Variants in TRPM3 observed in about 807,000 individuals in gnomAD.
TRPM3 encodes the protein long transient receptor potential channel 3.
A neutral mutation model predicts 181.2 loss-of-function variants in TRPM3; 77 were observed. The observed-to-expected ratio is 0.42, with a 90% CI of 0.35 to 0.51. The LOEUF is 0.51. TRPM3 is among the 20% of genes least tolerant of loss of function. The probability of loss-of-function intolerance (pLI) is 0.01; values close to 1 mark genes in which losing one functional copy is unlikely to be tolerated. For synonymous variants in TRPM3, 745 were observed against 796.4 expected (o/e 0.94, Z 1.09); for missense variants, 1,759 against 2,196.7 (o/e 0.80, Z 3.98).
At chr9:70,700,190 C>T (rs1254029214) in intron 8 of TRPM3, among the ~76,000 whole-genome samples, 1 of 152,172 alleles carries the variant, frequency 6.6e-6, no homozygotes, top group Non-Finnish European at 1.5e-5. Flanking sequence ...ACTATGTTGG[C>T]CAGGCTGGTC....
rs182419805 is a variant in TRPM3 at position 70,644,005 on chromosome 9, C to T, written c.1346-3345G>A. ...CAGAATACTTTGTCTTGAGAGCTTA[C>T]AGTCTAGAGGAGAAGAGAAGTCTGT... is the stretch of plus-strand genomic sequence containing the variant. On this transcript the variant is annotated intron_variant, in intron 9 of 25. Transcript: ENST00000677713. Among the ~76,000 whole-genome samples, 78 of 152,304 alleles carry T rather than the reference C, an allele frequency of 5.1e-4. 1 individual carries two copies. In the East Asian group the frequency reaches 0.013, roughly 25 times the overall value.
chr9:71,349,774 T>G (rs1308004285), intron 1 of TRPM3, among the ~76,000 whole-genome samples: 1 of 152,036 alleles, frequency 6.6e-6, no homozygotes, highest in Non-Finnish European at 1.5e-5. Context: ...ACGTGAATTC[T>G]TACACTCTGC....
intron 9 of TRPM3, among the ~76,000 whole-genome samples, chr9:70,668,625 A>G (rs1427256575): frequency 7.3e-6 from 1 of 137,900 alleles, no homozygotes; most frequent in East Asian, 2.3e-4. Context: ...AGATCGCGCC[A>G]CTGCACTCCA....
intron 1 of TRPM3, among the ~76,000 whole-genome samples, chr9:71,021,229 A>C (rs1462059319): frequency 6.6e-6 from 1 of 152,194 alleles, no homozygotes; most frequent in African/African-American, 2.4e-5. Context: ...GGAAAGAACA[A>C]GTGGTGACTG....
In TRPM3 at chr9:70,949,904, T is replaced by C. The variant is rs529563889; in HGVS notation, c.178-85393A>G. 4.6e-5 allele frequency among the ~76,000 whole-genome samples: 7 copies of C among 152,284 alleles called. No individual in the cohort carries two copies. The South Asian group carries it at 1.2e-3, about 27-fold the overall frequency. On this transcript the variant is annotated intron_variant, in intron 1 of 25. Coordinates refer to ENST00000677713, the MANE Select transcript of TRPM3 (RefSeq NM_001366145.2). ...CATGGGATTCACTGCCTGGACAAGA[T>C]AGGTCTGTATTTCTTTCCCATGCCT...
rs575221948 is a variant in TRPM3 at position 70,988,552 on chromosome 9, A to G, written c.178-124041T>C. ...TGTGTATTTTGGTAGGCAGAATTTT[A>G]AGATGGGCCTCCAAGATTCCCAGCC... On this transcript the variant is annotated intron_variant, in intron 1 of 25. Coordinates refer to ENST00000677713, the MANE Select transcript of TRPM3 (RefSeq NM_001366145.2). Among the ~76,000 whole-genome samples the G allele has an allele frequency of 1.8e-4, 28 of 152,314 alleles. No homozygotes were observed. The South Asian group carries it at 5.2e-3, about 28-fold the overall frequency.
rs1476927200 is a variant in TRPM3, at chr9:70,968,581, A to C, written c.178-104070T>G. Among the ~76,000 whole-genome samples the C allele has an allele frequency of 2.0e-5, 3 of 152,314 alleles. No individual in the cohort carries two copies. The East Asian group carries it at 5.8e-4, about 29-fold the overall frequency. ...TCACTCTGACTTTTAAAAGTGATCC[A>C]GGTCACCAGTGTAGCAAATATTAAA... On this transcript the variant is annotated intron_variant, in intron 1 of 25. Coordinates refer to ENST00000677713, the MANE Select transcript of TRPM3 (RefSeq NM_001366145.2).
chr9:71,078,389 A>T (rs972141256), intron 1 of TRPM3, among the ~76,000 whole-genome samples: 102 of 152,172 alleles, frequency 6.7e-4, no homozygotes, highest in Non-Finnish European at 7.9e-4. Context: ...TATACATAGT[A>T]AAGTTTCTAG....
intron 1 of TRPM3, among the ~76,000 whole-genome samples, chr9:70,961,777 A>C (rs2097138961): frequency 6.6e-6 from 1 of 152,230 alleles, no homozygotes; most frequent in Admixed American, 6.5e-5. Flanking sequence ...ATCATGCACA[A>C]AGAAAGCATT....
chr9:70,810,220 T>C (rs990630055), intron 6 of TRPM3: 4 of 391,888 alleles, frequency 1.0e-5, no homozygotes, highest in African/African-American at 8.6e-5. Context: ...CCCTGTCCTA[T>C]GGGTACATGA....
intron 1 of TRPM3, among the ~76,000 whole-genome samples, chr9:71,371,636 G>A (rs1484727943): frequency 6.6e-6 from 1 of 152,162 alleles, no homozygotes; most frequent in Non-Finnish European, 1.5e-5. Flanking sequence ...TGGTGAAGAT[G>A]CTTCACCAGG....
At chr9:70,971,039 A>G (rs2097238919) in intron 1 of TRPM3, among the ~76,000 whole-genome samples, 1 of 152,192 alleles carries the variant, frequency 6.6e-6, no homozygotes, top group African/African-American at 2.4e-5. Flanking sequence ...TCGCTGTTAT[A>G]CACAATTAAT....
chr9:71,206,636 T>C (rs1314029229), intron 1 of TRPM3, among the ~76,000 whole-genome samples: 1 of 152,160 alleles, frequency 6.6e-6, no homozygotes, highest in Non-Finnish European at 1.5e-5. Context: ...TTGCTTTTCA[T>C]GTTTTATTCA....
intron 1 of TRPM3, among the ~76,000 whole-genome samples, chr9:70,972,275 C>G (rs902854144): frequency 2.0e-5 from 3 of 152,062 alleles, no homozygotes; most frequent in Non-Finnish European, 4.4e-5. Flanking sequence ...CATGGATGAG[C>G]CTTGAAAACA....
chr9:71,168,554 T>TG (rs1262598504), intron 1 of TRPM3, among the ~76,000 whole-genome samples: 9 of 108,686 alleles, frequency 8.3e-5, no homozygotes, highest in African/African-American at 2.5e-4. Context: ...ATTTATTTAT[T>TG]TATTTATTTA....
intron 1 of TRPM3, among the ~76,000 whole-genome samples, chr9:71,359,176 T>C (rs2092033706): frequency 6.6e-6 from 1 of 152,092 alleles, no homozygotes. Flanking sequence ...AAAAGAAAAG[T>C]CTTAGAGCTT....
At chr9:70,683,475 A>C (rs2066003821) in intron 8 of TRPM3, among the ~76,000 whole-genome samples, 1 of 61,602 alleles carries the variant, frequency 1.6e-5, no homozygotes, top group Non-Finnish European at 2.9e-5. Flanking sequence ...ATGGGGTTTC[A>C]TTATGTTGCC....
At position 70,562,847 on chromosome 9, in the gene TRPM3, T is replaced by C. The variant is rs552068715; in HGVS notation, c.3224-9537A>G. On this transcript the variant is annotated intron_variant, in intron 22 of 25. Transcript: ENST00000677713. ...AAATCTTGCCTTGGAAGAATATATA[T>C]CTAAACTAGCCTATTGTACACGCCA... Among the ~76,000 whole-genome samples, 24 of 152,182 alleles carry C rather than the reference T, an allele frequency of 1.6e-4. No homozygotes were observed. The East Asian group carries it at 2.3e-3, about 15-fold the overall frequency.
intron 1 of TRPM3, among the ~76,000 whole-genome samples, chr9:71,317,151 C>T (rs1464913628): frequency 6.6e-6 from 1 of 152,094 alleles, no homozygotes; most frequent in Non-Finnish European, 1.5e-5. Flanking sequence ...CATTGTGGTG[C>T]ACATGAGAAT....
Sources: gnomAD v4.1 joint callset for allele counts (sites outside exome capture counted in the v4.1 genomes callset) on GRCh38, gnomAD v4.1.1 for gene constraint, MANE v1.5 for transcripts, NCBI Gene and HGNC (gene_info 2026-07-23, HGNC 2026-07-21) for gene names.